The following TMEM108 variants were observed in gnomAD, a reference collection of about 807,000 sequenced individuals.
TMEM108 encodes the protein cancer/testis antigen 124.
TMEM108 carries 12 observed loss-of-function variants against 35.1 expected under a neutral mutation model. That is an observed-to-expected ratio of 0.34 (90% confidence interval 0.22 to 0.55). The LOEUF is 0.55. Ranked by LOEUF, TMEM108 falls within the 20% of genes least tolerant of loss-of-function variation. The probability of loss-of-function intolerance (pLI) is 0.89; values close to 1 mark genes in which losing one functional copy is unlikely to be tolerated. For synonymous variants in TMEM108, 287 were observed against 308.6 expected (o/e 0.93, Z 0.73); for missense variants, 680 against 753.3 (o/e 0.90, Z 1.14).
chr3:133,149,047 T>G (rs1488703002), intron 2 of TMEM108, among the ~76,000 whole-genome samples: 2 of 151,870 alleles, frequency 1.3e-5, no homozygotes, highest in Admixed American at 6.6e-5. Context: ...TAACCTAGCT[T>G]ATATAATAAG....
Position 133,208,958 on chromosome 3 carries a change from G to A in TMEM108, c.-46-20308G>A, listed in dbSNP as rs1277085774. ...CTGGTACTTTTGCGTTCCAGACTTTGTGTGGATGTTCGTGTCATTTTATTC... is the reference window on the plus strand; with the variant it reads ...CTGGTACTTTTGCGTTCCAGACTTTATGTGGATGTTCGTGTCATTTTATTC... On this transcript the variant is annotated intron_variant, in intron 2 of 5. Coordinates refer to ENST00000321871, the MANE Select transcript of TMEM108 (RefSeq NM_023943.4). Among the ~76,000 whole-genome samples, 4 of 152,136 alleles carry A rather than the reference G, an allele frequency of 2.6e-5. No homozygotes were observed. The East Asian group carries it at 7.7e-4, about 29-fold the overall frequency.
At chr3:133,212,433 TCA>T in intron 2 of TMEM108, among the ~76,000 whole-genome samples, 1 of 152,146 alleles carries the variant, frequency 6.6e-6, no homozygotes, top group Non-Finnish European at 1.5e-5. Flanking sequence ...CCCTGTAATC[TCA>T]CAGAACTGCC....
At chr3:133,058,724 T>C (rs116348039) in intron 2 of TMEM108, among the ~76,000 whole-genome samples, 3,813 of 142,546 alleles carry the variant, frequency 0.027, 80 homozygotes, top group South Asian at 0.068. Flanking sequence ...TGGGGGACTT[T>C]GTTACTTATT....
intron 2 of TMEM108, among the ~76,000 whole-genome samples, chr3:133,181,133 T>C (rs1353728557): frequency 6.6e-6 from 1 of 151,630 alleles, no homozygotes; most frequent in Non-Finnish European, 1.5e-5. Flanking sequence ...TTAGATAAAC[T>C]GTAGGCTTGA....
At chr3:133,204,694 A>T (rs1056645167) in intron 2 of TMEM108, among the ~76,000 whole-genome samples, 4 of 152,200 alleles carry the variant, frequency 2.6e-5, no homozygotes, top group Admixed American at 1.3e-4. Flanking sequence ...ATTCTTTTAC[A>T]TTTGCTGAGG....
At chr3:133,320,141 ATACTAGCTCCCC>A (rs2071248620) in intron 3 of TMEM108, among the ~76,000 whole-genome samples, 1 of 152,182 alleles carries the variant, frequency 6.6e-6, no homozygotes. Flanking sequence ...CAAAAAGACC[ATACTAGCTCCCC>A]AGCAGTGGAT....
intron 2 of TMEM108, among the ~76,000 whole-genome samples, chr3:133,224,920 A>G (rs1248510963): frequency 6.6e-6 from 1 of 151,672 alleles, no homozygotes; most frequent in African/African-American, 2.4e-5. Context: ...ACCTGCTACC[A>G]TCTTTTGGAG....
intron 3 of TMEM108, among the ~76,000 whole-genome samples, chr3:133,260,179 A>G (rs1049585680): frequency 4.6e-5 from 7 of 152,130 alleles, no homozygotes; most frequent in Non-Finnish European, 1.0e-4. Context: ...TTCACTAAGA[A>G]TATTGGATAC....
At chr3:133,234,694 A>G (rs997034468) in intron 3 of TMEM108, among the ~76,000 whole-genome samples, 2 of 152,170 alleles carry the variant, frequency 1.3e-5, no homozygotes, top group Admixed American at 6.5e-5. Flanking sequence ...CTGGCACAAG[A>G]CAAAGATGCC....
At chr3:133,379,694 C>T (rs912162201) in intron 3 of TMEM108, 58 bp from the exon 4 acceptor site, 6 of 1,547,602 alleles carry the variant, frequency 3.9e-6, no homozygotes, top group Non-Finnish European at 4.4e-6. Context: ...GTAAGAAAGG[C>T]CCAGGCTGTA....
At chr3:133,092,683 T>C (rs1194527197) in intron 2 of TMEM108, among the ~76,000 whole-genome samples, 3 of 152,208 alleles carry the variant, frequency 2.0e-5, no homozygotes, top group Non-Finnish European at 4.4e-5. Flanking sequence ...TTGATAATGT[T>C]AATAGCAGCA....
intron 2 of TMEM108, among the ~76,000 whole-genome samples, chr3:133,178,500 T>C (rs374987784): frequency 0.058 from 8,718 of 149,136 alleles, 294 homozygotes; most frequent in Non-Finnish European, 0.079. Flanking sequence ...TCAGAAATAA[T>C]GCCGCATATC....
chr3:133,252,504 C>T (rs924471267), intron 3 of TMEM108, among the ~76,000 whole-genome samples: 1 of 152,090 alleles, frequency 6.6e-6, no homozygotes, highest in African/African-American at 2.4e-5. Flanking sequence ...ATAACTTGCT[C>T]TTTAGGTTTT....
intron 2 of TMEM108, among the ~76,000 whole-genome samples, chr3:133,175,998 C>CA (rs1559857368): frequency 2.6e-5 from 4 of 151,550 alleles, no homozygotes; most frequent in Non-Finnish European, 5.9e-5. Context: ...AAATGGAAAA[C>CA]AAAAAAAGGC....
chr3:133,303,544 T>TA (rs896386902), intron 3 of TMEM108, among the ~76,000 whole-genome samples: 1 of 152,082 alleles, frequency 6.6e-6, no homozygotes, highest in Non-Finnish European at 1.5e-5. Context: ...CCTTCTAAAG[T>TA]AAAAAAATCT....
intron 2 of TMEM108, among the ~76,000 whole-genome samples, chr3:133,050,978 G>GT (rs58955436): frequency 0.38 from 55,866 of 145,184 alleles, 10,761 homozygotes; most frequent in Admixed American, 0.46. Flanking sequence ...CTGTGTGCGA[G>GT]TTTTTTTTTT....
At chr3:133,250,045 A>G (rs1206130734) in intron 3 of TMEM108, among the ~76,000 whole-genome samples, 1 of 152,158 alleles carries the variant, frequency 6.6e-6, no homozygotes, top group Non-Finnish European at 1.5e-5. Context: ...CAGAGTAGTT[A>G]TGTGTACTTT....
At chr3:133,163,989 G>A (rs147184586) in intron 2 of TMEM108, among the ~76,000 whole-genome samples, 32 of 152,280 alleles carry the variant, frequency 2.1e-4, no homozygotes, top group Admixed American at 2.1e-3. Flanking sequence ...CTAGGATCTT[G>A]CCTATTTCTA....
chr3:133,273,248 T>C (rs1946797106), intron 3 of TMEM108, among the ~76,000 whole-genome samples: 1 of 152,190 alleles, frequency 6.6e-6, no homozygotes. Context: ...TAAATATGTA[T>C]GTGTTTTCTT....
Sources: gnomAD v4.1 joint callset for allele counts (sites outside exome capture counted in the v4.1 genomes callset) on GRCh38, gnomAD v4.1.1 for gene constraint, MANE v1.5 for transcripts, NCBI Gene and HGNC (gene_info 2026-07-23, HGNC 2026-07-21) for gene names.